The following PPM1A variants were observed in gnomAD, a reference collection of about 807,000 sequenced individuals.
PPM1A encodes protein phosphatase 1A.
In PPM1A, 7 loss-of-function variants were observed where a neutral mutation model predicts 35.0. The ratio of observed to expected loss-of-function variants is 0.20; its 90% confidence interval spans 0.11 to 0.38. The LOEUF (loss-of-function observed/expected upper bound fraction) is 0.38, where lower values mean the gene tolerates loss of function less well. Among genes scored for constraint, PPM1A ranks in the 10% least tolerant of loss-of-function variants. The pLI, the probability that PPM1A is intolerant of heterozygous loss-of-function variation, is 1.00. For missense variants in PPM1A, 239 were observed against 467.8 expected (o/e 0.51, Z 4.51); for synonymous variants, 153 against 167.3 (o/e 0.91, Z 0.66).
rs1888202518 is a variant in PPM1A, at chr14:60,298,119, G to A, written c.*5637G>A. ...GATTAAAAGGTGAAAAAAAAACATA[G>A]TATTCAGAAGTTTTGGAGGTTAATG... On this transcript the variant is annotated 3_prime_UTR_variant, in exon 6 of 6. Coordinates refer to ENST00000395076, the MANE Select transcript of PPM1A (RefSeq NM_021003.5). 6.6e-6 allele frequency: 1 copy of A among 151,536 alleles called. No individual in the cohort carries two copies. The highest frequency in any genetic ancestry group is 2.4e-5 in the African/African-American group (1 of 41,340). 9.4% of individuals were successfully genotyped at this position (151,536 alleles called of 1,614,324 possible).
intron 1 of PPM1A, among the ~76,000 whole-genome samples, chr14:60,255,235 G>A (rs1487598966): frequency 3.5e-5 from 5 of 144,118 alleles, no homozygotes; most frequent in Admixed American, 6.8e-5. Flanking sequence ...GCAGTGGCGC[G>A]ATCTCGGCTC....
chr14:60,255,171 T>TTG (rs1882933076), intron 1 of PPM1A, among the ~76,000 whole-genome samples: 1 of 103,362 alleles, frequency 9.7e-6, no homozygotes, highest in Admixed American at 8.0e-5. Flanking sequence ...TTTTTTTTTT[T>TTG]TTGTTTTGTT....
At chr14:60,287,588 C>G in intron 3 of PPM1A, 2 of 985,176 alleles carry the variant, frequency 2.0e-6, no homozygotes, top group Non-Finnish European at 1.2e-6. Context: ...TAAATACATG[C>G]CTTCACTAGA....
chr14:60,247,862 G>C (rs1056897210), upstream of PPM1A, among the ~76,000 whole-genome samples: 3 of 152,144 alleles, frequency 2.0e-5, no homozygotes, highest in African/African-American at 7.2e-5. Context: ...AAGTAAAATA[G>C]AGAGGCCTTC....
intron 1 of PPM1A, among the ~76,000 whole-genome samples, chr14:60,269,934 T>C (rs1056436976): frequency 6.6e-6 from 1 of 152,246 alleles, no homozygotes; most frequent in Non-Finnish European, 1.5e-5. Flanking sequence ...TTCTACTAAA[T>C]GTATCTAGTA....
Position 60,249,254 on chromosome 14 carries a change from G to T in PPM1A, c.-444G>T, listed in dbSNP as rs1276659887. 3 of 987,200 alleles carry T rather than the reference G, an allele frequency of 3.0e-6. No individual in the cohort carries two copies. The highest frequency in any genetic ancestry group is 3.6e-6 in the Non-Finnish European group (3 of 831,660). The allele number at this position is 987,200 out of a possible 1,614,324, so 61.2% of individuals were successfully genotyped here. The stretch of plus-strand genomic sequence containing the variant: ...CGGCGGCGGCGGTGGCGGCGCTAGG[G>T]ACGGGAGCGCGCGCGGGAGCTAGAG... On this transcript the variant is annotated 5_prime_UTR_variant, in exon 1 of 6. Coordinates refer to ENST00000395076, the MANE Select transcript of PPM1A (RefSeq NM_021003.5). The surrounding 1 kb of genome is among the most constrained non-coding windows in gnomAD (Gnocchi z 4.5).
chr14:60,281,436 C>CT (rs1005810420), intron 1 of PPM1A, among the ~76,000 whole-genome samples: 2 of 152,092 alleles, frequency 1.3e-5, no homozygotes, highest in Non-Finnish European at 2.9e-5. Context: ...TCTTCTTGCC[C>CT]TTTTTCTCCC....
At position 60,295,902 on chromosome 14, in the gene PPM1A, T is replaced by TA. The variant is rs1397237008; in HGVS notation, c.*3423dup. ...CAGTTTATTTTCTTCTCTCTAAAGTTAAAGAGTAATTCAGAAGAAAATTTT... is the reference window on the plus strand; with the variant it reads ...CAGTTTATTTTCTTCTCTCTAAAGTTAAAAGAGTAATTCAGAAGAAAATTTT... On this transcript the variant is annotated 3_prime_UTR_variant, in exon 6 of 6. Transcript: ENST00000395076. 1.3e-5 allele frequency: 2 copies of TA among 151,670 alleles called. No individual in the cohort carries two copies. Among genetic ancestry groups the TA allele is most frequent in the Non-Finnish European group, 3.0e-5 (2 of 67,664 alleles). The allele number at this position is 151,670 out of a possible 1,614,324, so 9.4% of individuals were successfully genotyped here. A position where few individuals can be genotyped will look rare whatever the true frequency, so the allele number is the denominator to read the frequency against.
chr14:60,259,071 A>G (rs148880886), intron 1 of PPM1A, among the ~76,000 whole-genome samples: 136 of 152,214 alleles, frequency 8.9e-4, no homozygotes, highest in African/African-American at 3.1e-3. Flanking sequence ...TTTTTAAGCT[A>G]TTAAATAGAA....
At chr14:60,285,363 A>G (rs551917241) in intron 2 of PPM1A, among the ~76,000 whole-genome samples, 2 of 152,350 alleles carry the variant, frequency 1.3e-5, no homozygotes, top group Non-Finnish European at 2.9e-5. Flanking sequence ...AAAAATTATT[A>G]TTACAGTGAG....
chr14:60,288,578 C>G, intron 3 of PPM1A: 2 of 971,676 alleles, frequency 2.1e-6, no homozygotes, highest in Non-Finnish European at 1.2e-6. Context: ...GCTTTTTGTT[C>G]AGATTTAAGA....
At chr14:60,288,459 C>CT (rs1208979150) in intron 3 of PPM1A, 3 of 983,488 alleles carry the variant, frequency 3.1e-6, no homozygotes, top group Non-Finnish European at 3.6e-6. Flanking sequence ...CATCAAATCC[C>CT]TTTATTTTTG....
At position 60,249,362 on chromosome 14, in the gene PPM1A, G is replaced by C. The variant is rs1354437627; in HGVS notation, c.-336G>C. 12 of 978,516 alleles carry C rather than the reference G, an allele frequency of 1.2e-5. No homozygotes were observed. Among genetic ancestry groups the C allele is most frequent in the Non-Finnish European group, 8.5e-6 (7 of 824,398 alleles). 60.6% of individuals were successfully genotyped at this position (978,516 alleles called of 1,614,324 possible). On this transcript the variant is annotated 5_prime_UTR_variant, in exon 1 of 6. Transcript: ENST00000395076. This position sits in a 1 kb window ranked among gnomAD's most constrained non-coding sequence, Gnocchi z 4.5. ...TCCGGAACGGGTGGTTGGGGAGGGG[G>C]GGGTGGGGGGACTCTAGACAGCTGA...
chr14:60,287,621 A>C (rs749469436), intron 3 of PPM1A: 2 of 985,086 alleles, frequency 2.0e-6, no homozygotes, highest in Non-Finnish European at 2.4e-6. Context: ...ACTAAACCTC[A>C]TTTTATTTGC....
At chr14:60,280,673 T>G (rs1032303347) in intron 1 of PPM1A, among the ~76,000 whole-genome samples, 4 of 152,216 alleles carry the variant, frequency 2.6e-5, no homozygotes, top group Non-Finnish European at 5.9e-5. Context: ...TTTTGGTTGA[T>G]TATTTCTTGT....
intron 1 of PPM1A, among the ~76,000 whole-genome samples, chr14:60,278,903 T>G (rs142000396): frequency 4.6e-5 from 7 of 152,352 alleles, no homozygotes; most frequent in Middle Eastern, 3.4e-3. Flanking sequence ...ATTTCCAACA[T>G]TGACTATTAT....
chr14:60,261,389 CTGAATTTTGAATTTTA>C (rs146557102), intron 1 of PPM1A, among the ~76,000 whole-genome samples: 1,888 of 152,022 alleles, frequency 0.012, 17 homozygotes, highest in Non-Finnish European at 0.022. Context: ...ATATTTTGTC[CTGAATTTTGAATTTTA>C]GGCATATGTC....
chr14:60,251,822 A>G (rs1338363144), intron 1 of PPM1A, among the ~76,000 whole-genome samples: 1 of 151,988 alleles, frequency 6.6e-6, no homozygotes, highest in Non-Finnish European at 1.5e-5. Context: ...TGGGATTGGG[A>G]TGTGTAGGGA....
rs533604589 is a variant in PPM1A at position 60,279,974 on chromosome 14, A to G, written c.-20-2710A>G. Among the ~76,000 whole-genome samples the G allele has an allele frequency of 4.6e-5, 7 of 152,262 alleles. No homozygotes were observed. In the East Asian group the frequency reaches 5.8e-4, roughly 13 times the overall value. On this transcript the variant is annotated intron_variant, in intron 1 of 5. Coordinates refer to ENST00000395076, the MANE Select transcript of PPM1A (RefSeq NM_021003.5). ...GTATACATTATTTTATTTAATCGTC[A>G]TAAGAATCTTGTAAGGTTAGTGCCT...
Sources: allele counts gnomAD v4.1 joint callset (sites outside exome capture counted in the v4.1 genomes callset), GRCh38; gene constraint gnomAD v4.1.1; non-coding constraint Gnocchi (gnomAD v3.1); transcripts MANE v1.5; gene names NCBI Gene and HGNC (gene_info 2026-07-23, HGNC 2026-07-21).